The following CAMKMT variants were observed in gnomAD, a reference collection of about 807,000 sequenced individuals.
The protein encoded by CAMKMT is CaM KMT.
In CAMKMT, 53 loss-of-function variants were observed where a neutral mutation model predicts 48.0. The ratio of observed to expected loss-of-function variants is 1.10; its 90% confidence interval spans 0.89 to 1.39. CAMKMT has a LOEUF of 1.39. Ranked by LOEUF, CAMKMT falls within the 40% of genes most tolerant of loss-of-function variation. CAMKMT has a pLI of 0.00. For missense variants in CAMKMT, 428 were observed against 402.7 expected (o/e 1.06, Z -0.54); for synonymous variants, 165 against 152.3 (o/e 1.08, Z -0.61).
intron 3 of CAMKMT, among the ~76,000 whole-genome samples, chr2:44,487,348 A>G: frequency 6.6e-6 from 1 of 152,132 alleles, no homozygotes; most frequent in Non-Finnish European, 1.5e-5. Context: ...CAAAGTCATT[A>G]TAGGTAATGA....
chr2:44,362,944 C>G (rs571231888), intron 1 of CAMKMT, among the ~76,000 whole-genome samples: 3 of 152,320 alleles, frequency 2.0e-5, no homozygotes, highest in South Asian at 2.1e-4. Flanking sequence ...TATGCCTCTG[C>G]CTGAAGTTTT....
chr2:44,405,289 C>T (rs573191685), intron 3 of CAMKMT, among the ~76,000 whole-genome samples: 1 of 152,154 alleles, frequency 6.6e-6, no homozygotes, highest in East Asian at 1.9e-4. Flanking sequence ...TGAAAACAGT[C>T]TGACAGCTGT....
intron 3 of CAMKMT, among the ~76,000 whole-genome samples, chr2:44,466,375 A>G (rs1289452588): frequency 6.6e-6 from 1 of 152,236 alleles, no homozygotes; most frequent in Non-Finnish European, 1.5e-5. Flanking sequence ...TCAAAAGGGA[A>G]ACTGGAAAAT....
intron 3 of CAMKMT, among the ~76,000 whole-genome samples, chr2:44,415,951 G>A (rs545174574): frequency 6.6e-6 from 1 of 152,172 alleles, no homozygotes; most frequent in Admixed American, 6.5e-5. Flanking sequence ...TAAGCTGCAC[G>A]TAATAGTTTA....
chr2:44,720,165 A>C (rs1438592746), intron 7 of CAMKMT, among the ~76,000 whole-genome samples: 7 of 152,210 alleles, frequency 4.6e-5, no homozygotes, highest in Admixed American at 3.3e-4. Context: ...TTTTTGATAG[A>C]GTTATCCTTT....
chr2:44,386,704 A>G (rs1680814006), intron 2 of CAMKMT, among the ~76,000 whole-genome samples: 1 of 151,936 alleles, frequency 6.6e-6, no homozygotes, highest in Non-Finnish European at 1.5e-5. Flanking sequence ...ATAGATTTTG[A>G]TAGGTTGTGT....
chr2:44,649,608 G>T (rs921509788), intron 3 of CAMKMT, among the ~76,000 whole-genome samples: 4 of 152,086 alleles, frequency 2.6e-5, no homozygotes, highest in African/African-American at 9.7e-5. Flanking sequence ...GCTTGATGTG[G>T]GTTGTGAAAT....
intron 3 of CAMKMT, among the ~76,000 whole-genome samples, chr2:44,680,681 G>A (rs1198162286): frequency 3.9e-5 from 6 of 152,108 alleles, no homozygotes; most frequent in Non-Finnish European, 7.4e-5. Flanking sequence ...TAAATCGGTG[G>A]CTGGCCAGCA....
intron 3 of CAMKMT, among the ~76,000 whole-genome samples, chr2:44,690,874 G>T (rs1372309622): frequency 6.6e-6 from 1 of 151,986 alleles, no homozygotes; most frequent in Non-Finnish European, 1.5e-5. Context: ...TGTTCAGGAG[G>T]CTGGGGCACG....
chr2:44,564,422 G>A (rs1336736017), intron 3 of CAMKMT, among the ~76,000 whole-genome samples: 1 of 152,090 alleles, frequency 6.6e-6, no homozygotes, highest in Non-Finnish European at 1.5e-5. Context: ...TGATCCACCT[G>A]CCTCGGCCTC....
At chr2:44,488,868 TGTGTGTGTG>T (rs1669342022) in intron 3 of CAMKMT, among the ~76,000 whole-genome samples, 2 of 148,582 alleles carry the variant, frequency 1.3e-5, no homozygotes, top group Non-Finnish European at 3.0e-5. Flanking sequence ...TGTGTGTGTG[TGTGTGTGTG>T]TTTTAAGAAA....
chr2:44,680,716 A>G (rs1213059989), intron 3 of CAMKMT, among the ~76,000 whole-genome samples: 1 of 152,212 alleles, frequency 6.6e-6, no homozygotes, highest in Non-Finnish European at 1.5e-5. Flanking sequence ...CATTAAGACC[A>G]GGACTCGCTG....
chr2:44,567,784 A>G (rs973266355), intron 3 of CAMKMT, among the ~76,000 whole-genome samples: 2 of 152,194 alleles, frequency 1.3e-5, no homozygotes, highest in African/African-American at 4.8e-5. Flanking sequence ...GAGCCAAACT[A>G]GACATTAACA....
intron 7 of CAMKMT, among the ~76,000 whole-genome samples, chr2:44,741,498 C>T (rs1444638470): frequency 6.6e-6 from 1 of 152,192 alleles, no homozygotes; most frequent in Admixed American, 6.5e-5. Flanking sequence ...GATCAGAAAA[C>T]AAGCTCAGAA....
At chr2:44,436,469 A>T (rs536253935) in intron 3 of CAMKMT, among the ~76,000 whole-genome samples, 1 of 152,178 alleles carries the variant, frequency 6.6e-6, no homozygotes, top group Non-Finnish European at 1.5e-5. Flanking sequence ...GGCTGGGATC[A>T]TTTCAGACAA....
At chr2:44,625,064 A>G (rs528590602) in intron 3 of CAMKMT, among the ~76,000 whole-genome samples, 26 of 152,324 alleles carry the variant, frequency 1.7e-4, no homozygotes, top group Non-Finnish European at 1.8e-4. Context: ...ACTTTGTAAG[A>G]AACTGCCAGA....
chr2:44,565,697 A>G (rs925916734), intron 3 of CAMKMT, among the ~76,000 whole-genome samples: 2 of 151,998 alleles, frequency 1.3e-5, no homozygotes, highest in African/African-American at 4.8e-5. Flanking sequence ...TGAGTCTGGA[A>G]TTAAAAAAAC....
intron 3 of CAMKMT, among the ~76,000 whole-genome samples, chr2:44,660,810 T>A: frequency 6.6e-6 from 1 of 152,182 alleles, no homozygotes; most frequent in East Asian, 1.9e-4. Flanking sequence ...GGTCTCACTA[T>A]GTTGCCCAGG....
At chr2:44,627,860 T>A (rs1190360114) in intron 3 of CAMKMT, among the ~76,000 whole-genome samples, 1 of 151,544 alleles carries the variant, frequency 6.6e-6, no homozygotes, top group East Asian at 1.9e-4. Context: ...CCACCACACC[T>A]GGCTAATTTT....
Sources: gnomAD v4.1 joint callset for allele counts (sites outside exome capture counted in the v4.1 genomes callset) on GRCh38, gnomAD v4.1.1 for gene constraint, MANE v1.5 for transcripts, NCBI Gene and HGNC (gene_info 2026-07-23, HGNC 2026-07-21) for gene names.